The following MAMDC4 variants were observed in gnomAD, a reference collection of about 807,000 sequenced individuals.
MAMDC4 encodes the protein MAM domain containing 4.
A neutral mutation model predicts 153.3 loss-of-function variants in MAMDC4; 168 were observed. The ratio of observed to expected loss-of-function variants is 1.10; its 90% confidence interval spans 0.97 to 1.25. The LOEUF (loss-of-function observed/expected upper bound fraction) is 1.25, where lower values mean the gene tolerates loss of function less well. Among genes scored for constraint, MAMDC4 ranks in the 50% most tolerant of loss-of-function variants. MAMDC4 has a pLI of 0.00. For missense variants in MAMDC4, 1,701 were observed against 1,542.8 expected, an observed-to-expected ratio of 1.10 and a Z score of -1.72; for synonymous variants, 744 against 651.5, an observed-to-expected ratio of 1.14 and a Z score of -2.16.
At chr9:136,852,959 C>G (rs994802682) in intron 1 of MAMDC4, 143 bp from the exon 2 acceptor site, 7 of 687,070 alleles carry the variant, frequency 1.0e-5, no homozygotes, top group African/African-American at 5.4e-5. Flanking sequence ...CTCTGTGGGT[C>G]CCAGCCCCTC....
At position 136,857,680 on chromosome 9, in the gene MAMDC4, C is replaced by T; in HGVS notation, c.2348C>T (p.Thr783Ile). The T allele has an allele frequency of 6.2e-7, 1 of 1,612,590 alleles. No individual in the cohort carries two copies. Among genetic ancestry groups the T allele is most frequent in the Non-Finnish European group, 8.5e-7 (1 of 1,179,816 alleles). Residue 783 changes from threonine (T) to isoleucine (I), a missense_variant, in exon 19 of 27, where the codon ACA becomes ATA. Thr to Ile is a moderately conservative substitution (Grantham distance 89). Coordinates refer to ENST00000317446, the MANE Select transcript of MAMDC4 (RefSeq NM_206920.3). Reference sequence around the variant, plus strand: ...CCAGGGCACTACATGGTGGTGGACACAAGCCCAGACGCACTACCCCGGGGC... The same window carrying T: ...CCAGGGCACTACATGGTGGTGGACATAAGCCCAGACGCACTACCCCGGGGC... ...TAQGHYMVVD[T>I]SPDALPRGQT...
intron 23 of MAMDC4, 36 bp downstream of exon 23, chr9:136,858,889 G>T: frequency 6.3e-7 from 1 of 1,583,784 alleles, no homozygotes; most frequent in East Asian, 2.3e-5. Flanking sequence ...CCTGGGCAAC[G>T]GGGGCAGCAG....
chr9:136,857,908 G>A (rs1453652211), intron 19 of MAMDC4, 71 bp from the exon 20 acceptor site: 1 of 1,477,474 alleles, frequency 6.8e-7, no homozygotes, highest in Admixed American at 2.5e-5. Flanking sequence ...CAGGCTGGGA[G>A]CCTGGGAGCT....
Position 136,858,100 on chromosome 9 carries a change from G to A in MAMDC4, c.2583+3G>A, listed in dbSNP as rs761853760. ...TGCAGGCCGAGCGAGCCTGGAGGGT[G>A]AGTGCAGGGTGGGGTGCCCCTCCCC... On this transcript the variant is annotated splice_donor_region_variant and intron_variant, in intron 20 of 26. Coordinates refer to ENST00000317446, the MANE Select transcript of MAMDC4 (RefSeq NM_206920.3). The A allele has an allele frequency of 1.5e-4, 234 of 1,533,264 alleles. No individual in the cohort carries two copies. Among genetic ancestry groups the A allele is most frequent in the Non-Finnish European group, 1.9e-4 (221 of 1,141,276 alleles). The allele number at this position is 1,533,264 out of a possible 1,614,324, so 95.0% of individuals were successfully genotyped here. A position where few individuals can be genotyped will look rare whatever the true frequency, so the allele number is the denominator to read the frequency against.
At position 136,856,915 on chromosome 9, in the gene MAMDC4, G is replaced by A; in HGVS notation, c.1846G>A (p.Val616Met). The A allele has an allele frequency of 6.2e-7, 1 of 1,609,262 alleles. No homozygotes were observed. The highest frequency in any genetic ancestry group is 8.5e-7 in the Non-Finnish European group (1 of 1,177,296). ...CCCCATGCCCCCTGCAGGCCACTTT[G>A]TGCTCCTGGACCCCACAGACCCCCT... ...HDHTTGQGHF[V>M]LLDPTDPLAW... Residue 616 changes from valine (V) to methionine (M), a missense_variant, in exon 16 of 27, where the codon GTG becomes ATG. Transcript: ENST00000317446.
At chr9:136,855,215 G>C (rs752562987) in intron 10 of MAMDC4, 39 bp from the exon 11 acceptor site, 2 of 1,577,806 alleles carry the variant, frequency 1.3e-6, no homozygotes, top group Non-Finnish European at 1.7e-6. Context: ...ACCCCAGGGG[G>C]AAATAGGCTG....
Position 136,854,244 on chromosome 9 carries a change from A to G in MAMDC4, c.704A>G (p.His235Arg). 3 of 1,611,020 alleles carry G rather than the reference A, an allele frequency of 1.9e-6. No homozygotes were observed. In the South Asian group the frequency reaches 3.3e-5, roughly 18 times the overall value. The part of the protein sequence containing the change: ...PQANCPPGHH[H>R]CQNKVCVEPQ... ...GCCAACTGTCCCCCGGGACACCACC[A>G]CTGCCAGAACAAGGTCTGCGTGGAG... Residue 235 changes from histidine to arginine, a missense_variant, in exon 7 of 27, where the codon CAC becomes CGC. His to Arg is a conservative substitution (Grantham distance 29, BLOSUM62 0). Transcript: ENST00000317446.
rs1001545789 is a variant in MAMDC4 at position 136,860,552 on chromosome 9, C to T, written c.3373-10C>T. On this transcript the variant is annotated splice_polypyrimidine_tract_variant and intron_variant, in intron 26 of 26. Coordinates refer to ENST00000317446, the MANE Select transcript of MAMDC4 (RefSeq NM_206920.3). ...AGAAAGAAAAAAAAAGCTCCTCTTC[C>T]TCCTCCTAGGATGGTGTCACCCTCC... 6.2e-7 allele frequency: 1 copy of T among 1,611,400 alleles called. No homozygotes were observed.
Position 136,857,270 on chromosome 9 carries a change from A to G in MAMDC4, c.2078A>G (p.His693Arg). 1.2e-6 allele frequency: 2 copies of G among 1,601,960 alleles called. No individual in the cohort carries two copies. The highest frequency in any genetic ancestry group is 8.5e-7 in the Non-Finnish European group (1 of 1,175,004). ...CACGAGGCCTGGGCCACCCTTTCCCACCAGCCTGGCTCCCATGCCCAGTAC... is the reference window on the plus strand; with the variant it reads ...CACGAGGCCTGGGCCACCCTTTCCCGCCAGCCTGGCTCCCATGCCCAGTAC... ...RWHEAWATLS[H>R]QPGSHAQYQL... The change falls in exon 17 of 27, where the codon CAC becomes CGC. Residue 693 changes from histidine to arginine, a missense_variant. Coordinates refer to ENST00000317446, the MANE Select transcript of MAMDC4 (RefSeq NM_206920.3).
intron 26 of MAMDC4, among the ~76,000 whole-genome samples, 166 bp from the exon 27 acceptor site, chr9:136,860,396 C>A (rs1289749767): frequency 6.6e-6 from 1 of 152,182 alleles, no homozygotes; most frequent in Non-Finnish European, 1.5e-5. Flanking sequence ...TGGCAGGAAC[C>A]TGTAATCCCA....
At position 136,857,760 on chromosome 9, in the gene MAMDC4, C is replaced by T; in HGVS notation, c.2428C>T (p.Leu810=). ...CAGGCCCCTGGCCCAGCCTGCTTGT[C>T]TGACCTTCTGGTACCACGGGAGCCT... ...EHRPLAQPAC[L]TFWYHGSLRS... Residue 810 remains leucine (L), a synonymous_variant, in exon 19 of 27, where the codon CTG becomes TTG. Transcript: ENST00000317446. 1 of 1,612,632 alleles carries T rather than the reference C, an allele frequency of 6.2e-7. No individual in the cohort carries two copies. Among genetic ancestry groups the T allele is most frequent in the Non-Finnish European group, 8.5e-7 (1 of 1,179,866 alleles).
Position 136,854,313 on chromosome 9 carries a change from C to T in MAMDC4, c.773C>T (p.Ser258Phe), listed in dbSNP as rs1422253023. The T allele has an allele frequency of 1.3e-6, 2 of 1,587,434 alleles. No individual in the cohort carries two copies. Among genetic ancestry groups the T allele is most frequent in the African/African-American group, 2.7e-5 (2 of 74,446 alleles). Residue 258 changes from serine (S) to phenylalanine (F), a missense_variant, in exon 7 of 27, where the codon TCT becomes TTT. Ser to Phe is a radical substitution (Grantham distance 155, BLOSUM62 -2). Coordinates refer to ENST00000317446, the MANE Select transcript of MAMDC4 (RefSeq NM_206920.3). ...CDGEDNCGDLSDENPLTCGRH... is the reference protein window; with the variant it reads ...CDGEDNCGDLFDENPLTCGRH... Reference sequence around the variant, plus strand: ...GGGGAAGACAACTGCGGGGACCTGTCTGATGAGAACCCACTCACCTGTGGT... The same window carrying T: ...GGGGAAGACAACTGCGGGGACCTGTTTGATGAGAACCCACTCACCTGTGGT...
Position 136,858,548 on chromosome 9 carries a change from T to C in MAMDC4, c.2821+2T>C, listed in dbSNP as rs770422970. 1.3e-6 allele frequency: 2 copies of C among 1,565,646 alleles called. No homozygotes were observed. The highest frequency in any genetic ancestry group is 4.6e-5 in the East Asian group (2 of 43,308). On this transcript the variant is annotated splice_donor_variant, in intron 22 of 26. Transcript: ENST00000317446. LOFTEE classifies it high-confidence loss of function. Reference sequence around the variant, plus strand: ...ACCACACCCTGGGCACAGAGGCAGGTACGTGCCCACTGGAGCCAGGTGGGG... The same window carrying C: ...ACCACACCCTGGGCACAGAGGCAGGCACGTGCCCACTGGAGCCAGGTGGGG...
At chr9:136,859,370 G>T in intron 25 of MAMDC4, 53 bp downstream of exon 25, 1 of 1,513,890 alleles carries the variant, frequency 6.6e-7, no homozygotes, top group African/African-American at 1.4e-5. Flanking sequence ...GGGCCAGCCT[G>T]GCTCGGGGTT....
Position 136,857,056 on chromosome 9 carries a change from A to C in MAMDC4, c.1972+15A>C. The stretch of plus-strand genomic sequence containing the variant: ...GCCCCAGATTGGTGAGTGGACCTGG[A>C]AACAGGGCAGAGCCTGTGGGGAGGC... On this transcript the variant is annotated intron_variant, in intron 16 of 26. Coordinates refer to ENST00000317446, the MANE Select transcript of MAMDC4 (RefSeq NM_206920.3). 3 of 1,608,796 alleles carry C rather than the reference A, an allele frequency of 1.9e-6. No homozygotes were observed. Among genetic ancestry groups the C allele is most frequent in the Non-Finnish European group, 2.5e-6 (3 of 1,177,318 alleles).
rs7869864 is a variant in MAMDC4 at position 136,854,615 on chromosome 9, C to A, written c.873C>A (p.Arg291=). 2.1e-5 allele frequency: 33 copies of A among 1,606,136 alleles called. No individual in the cohort carries two copies. Among genetic ancestry groups the A allele is most frequent in the Middle Eastern group, 1.7e-4 (1 of 5,988 alleles). ...NRSEGWSRNH[R]AGGPERPSWP... Reference sequence around the variant, plus strand: ...CGGAAGGCTGGTCCCGGAACCACCGCGCTGGTGGTCCTGAGCGCCCCTCCT... The same window carrying A: ...CGGAAGGCTGGTCCCGGAACCACCGAGCTGGTGGTCCTGAGCGCCCCTCCT... The change falls in exon 8 of 27, where the codon CGC becomes CGA. Residue 291 remains arginine, a synonymous_variant. Transcript: ENST00000317446.
At position 136,853,378 on chromosome 9, in the gene MAMDC4, A is replaced by G; in HGVS notation, c.248A>G (p.Tyr83Cys). Residue 83 changes from tyrosine to cysteine, a missense_variant, in exon 3 of 27, where the codon TAC becomes TGC. Transcript: ENST00000317446. The part of the protein sequence containing the change: ...CGWRDISTSG[Y>C]SWLRDRAGAA... ...TGGCGGGACATTAGTACCTCAGGCT[A>G]CAGCTGGCTCCGAGACAGGGCAGGG... 2 of 1,606,680 alleles carry G rather than the reference A, an allele frequency of 1.2e-6. No individual in the cohort carries two copies. Among genetic ancestry groups the G allele is most frequent in the East Asian group, 4.5e-5 (2 of 44,682 alleles).
intron 19 of MAMDC4, 47 bp from the exon 20 acceptor site, chr9:136,857,932 G>A (rs1362652882): frequency 5.4e-6 from 8 of 1,473,170 alleles, no homozygotes; most frequent in Non-Finnish European, 7.2e-6. Context: ...ACCAGGGCCT[G>A]CAGGTGCTCT....
In MAMDC4 at chr9:136,857,518, G is replaced by T. The variant is rs762040672; in HGVS notation, c.2258G>T (p.Arg753Leu). The change falls in exon 18 of 27, where the codon CGG becomes CTG. Residue 753 changes from arginine to leucine, a missense_variant. Physicochemically the swap from Arg to Leu is moderately radical, Grantham distance 102. Coordinates refer to ENST00000317446, the MANE Select transcript of MAMDC4 (RefSeq NM_206920.3). The part of the protein sequence containing the change: ...FSPGGQGLWR[R>L]QANASGHAAW... The stretch of plus-strand genomic sequence containing the variant: ...CCTGGAGGCCAAGGTCTCTGGAGGC[G>T]GCAGGCCAATGCCTCGGGCCATGCT... 6.2e-7 allele frequency: 1 copy of T among 1,610,652 alleles called. No individual in the cohort carries two copies. The highest frequency in any genetic ancestry group is 1.7e-5 in the Admixed American group (1 of 60,012).
Sources: allele counts gnomAD v4.1 joint callset (sites outside exome capture counted in the v4.1 genomes callset), GRCh38; gene constraint gnomAD v4.1.1; transcripts MANE v1.5; gene names NCBI Gene and HGNC (gene_info 2026-07-23, HGNC 2026-07-21).